CDK17: variants seen among roughly 807,000 people sequenced by gnomAD.
The protein encoded by CDK17 is cyclin-dependent kinase 17.
A neutral mutation model predicts 77.6 loss-of-function variants in CDK17; 24 were observed. The observed-to-expected ratio is 0.31, with a 90% confidence interval of 0.22 to 0.44. CDK17 has a LOEUF of 0.44. Among genes scored for constraint, CDK17 ranks in the 20% least tolerant of loss-of-function variants. The pLI is 1.00. For missense variants in CDK17, 429 were observed against 622.5 expected (o/e 0.69, Z 3.31); for synonymous variants, 203 against 210.4 (o/e 0.96, Z 0.30).
intron 1 of CDK17, among the ~76,000 whole-genome samples, chr12:96,367,583 G>A (rs1463360960): frequency 1.3e-5 from 2 of 152,202 alleles, no homozygotes; most frequent in South Asian, 2.1e-4. Context: ...AACTTAAGAA[G>A]TGAGAACTGC....
chr12:96,355,844 G>GA (rs1429424460), intron 1 of CDK17, among the ~76,000 whole-genome samples: 1 of 152,144 alleles, frequency 6.6e-6, no homozygotes, highest in East Asian at 1.9e-4. Flanking sequence ...AATACCTACA[G>GA]AATGAAGGAA....
At chr12:96,397,276 T>C (rs2137255913) in intron 1 of CDK17, among the ~76,000 whole-genome samples, 1 of 151,962 alleles carries the variant, frequency 6.6e-6, no homozygotes, top group African/African-American at 2.4e-5. Context: ...ACCGGGCAAA[T>C]AAAATTTAAA....
At chr12:96,299,442 G>C (rs548220060) in intron 6 of CDK17, among the ~76,000 whole-genome samples, 1 of 146,532 alleles carries the variant, frequency 6.8e-6, no homozygotes, top group African/African-American at 2.5e-5. Context: ...CCAGGCTAGA[G>C]TGCAGTGGCA....
chr12:96,323,859 G>A (rs879873676), intron 3 of CDK17, 89 bp downstream of exon 3: 30 of 887,314 alleles, frequency 3.4e-5, no homozygotes, highest in Non-Finnish European at 4.7e-5. Flanking sequence ...CAGAAGAAAC[G>A]AGATAATAAA....
At chr12:96,347,394 T>C (rs2137164708) in intron 1 of CDK17, among the ~76,000 whole-genome samples, 1 of 151,564 alleles carries the variant, frequency 6.6e-6, no homozygotes, top group African/African-American at 2.4e-5. Flanking sequence ...TGAGAACTCG[T>C]CTTTACTAAA....
chr12:96,289,751 A>G (rs564386845), intron 10 of CDK17, among the ~76,000 whole-genome samples: 29 of 152,228 alleles, frequency 1.9e-4, no homozygotes, highest in Non-Finnish European at 3.4e-4. Flanking sequence ...CAAAAACTGT[A>G]AAGTTATTGG....
chr12:96,368,823 G>T lies in CDK17; in HGVS notation c.-30+31163C>A, dbSNP rs796700234. On this transcript the variant is annotated intron_variant, in intron 1 of 16. Coordinates refer to ENST00000261211, the MANE Select transcript of CDK17 (RefSeq NM_002595.5). ...CTCTAAGACGGGGGGGGGGGGGGGG[G>T]GCACAATGAATAAGGCTGGAAAGGA... is the stretch of plus-strand genomic sequence containing the variant. 3.8e-5 allele frequency among the ~76,000 whole-genome samples: 3 copies of T among 79,824 alleles called. 1 individual carries two copies. Among genetic ancestry groups the T allele is most frequent in the East Asian group, 2.8e-3 (2 of 726 alleles). 52.4% of individuals were successfully genotyped at this position (79,824 alleles called of 152,430 possible).
chr12:96,389,108 A>G (rs1954022772), intron 1 of CDK17, among the ~76,000 whole-genome samples: 1 of 151,180 alleles, frequency 6.6e-6, no homozygotes, highest in South Asian at 2.1e-4. Context: ...AACTACAGGC[A>G]TGTGCCATCT....
In CDK17 at chr12:96,280,722, A is replaced by G. The variant is rs781454986; in HGVS notation, c.1534+86T>C. On this transcript the variant is annotated intron_variant, in intron 16 of 16. Coordinates refer to ENST00000261211, the MANE Select transcript of CDK17 (RefSeq NM_002595.5). ...CTGTACATTGGTTTTTACATCAATA[A>G]TTTTACTGATCAATTTATAAACCAA... 9.6e-6 allele frequency: 15 copies of G among 1,562,454 alleles called. No homozygotes were observed. The South Asian group carries it at 1.8e-4, about 19-fold the overall frequency.
Position 96,311,054 on chromosome 12 carries a change from A to AG in CDK17, c.540dup (p.Ser182IlefsTer27). The AG allele has an allele frequency of 6.3e-7, 1 of 1,596,420 alleles. No individual in the cohort carries two copies. Among genetic ancestry groups the AG allele is most frequent in the Non-Finnish European group, 8.5e-7 (1 of 1,174,892 alleles). ...GGTATAGGAGACCAAAAACTTACTAAGGAAGCTCTACGAGACCTTCGACTC... is the reference window on the plus strand; with the variant it reads ...GGTATAGGAGACCAAAAACTTACTAAGGGAAGCTCTACGAGACCTTCGACTC... On this transcript the variant is annotated frameshift_variant, in exon 5 of 17. Coordinates refer to ENST00000261211, the MANE Select transcript of CDK17 (RefSeq NM_002595.5). LOFTEE classifies it high-confidence loss of function.
chr12:96,323,275 A>AAC (rs1555202187), intron 3 of CDK17, among the ~76,000 whole-genome samples: 11 of 121,520 alleles, frequency 9.1e-5, no homozygotes, highest in East Asian at 1.2e-3. Context: ...TTCTAAAAAA[A>AAC]AAAAAAAAAC....
chr12:96,309,356 G>A (rs1952617973), intron 5 of CDK17, among the ~76,000 whole-genome samples: 1 of 152,206 alleles, frequency 6.6e-6, no homozygotes, highest in African/African-American at 2.4e-5. Flanking sequence ...GTAAGCTTGT[G>A]ATTTGCCAAG....
In CDK17 at chr12:96,278,814, A is replaced by G. The variant is rs1306498696; in HGVS notation, c.*1428T>C. 6.6e-6 allele frequency: 1 copy of G among 152,560 alleles called. No homozygotes were observed. The highest frequency in any genetic ancestry group is 1.5e-5 in the Non-Finnish European group (1 of 67,980). The allele number at this position is 152,560 out of a possible 1,614,324, so 9.5% of individuals were successfully genotyped here. A position where few individuals can be genotyped will look rare whatever the true frequency, so the allele number is the denominator to read the frequency against. ...TTTTAGTATCGTGAAATATTAAAAT[A>G]ACACCCCAAACATGCCACAATCACT... On this transcript the variant is annotated 3_prime_UTR_variant, in exon 17 of 17. Transcript: ENST00000261211.
At chr12:96,390,186 C>T in intron 1 of CDK17, among the ~76,000 whole-genome samples, 1 of 140,220 alleles carries the variant, frequency 7.1e-6, no homozygotes. Flanking sequence ...GAGTCTTGCT[C>T]TGTCGCCCAG....
chr12:96,280,324 T>G (rs1452069080), intron 16 of CDK17, 45 bp from the exon 17 acceptor site: 4 of 1,546,370 alleles, frequency 2.6e-6, no homozygotes, highest in Non-Finnish European at 3.5e-6. Context: ...GGTTCAGTTT[T>G]ATCCCACATA....
chr12:96,377,295 T>C (rs1953794409), intron 1 of CDK17, among the ~76,000 whole-genome samples: 1 of 152,148 alleles, frequency 6.6e-6, no homozygotes. Context: ...AAAAAATTAC[T>C]TCACCATATA....
intron 1 of CDK17, among the ~76,000 whole-genome samples, chr12:96,364,570 TG>T (rs1953553075): frequency 6.6e-6 from 1 of 152,184 alleles, no homozygotes; most frequent in African/African-American, 2.4e-5. Flanking sequence ...ATCATTTGGC[TG>T]TGTTCTGTTT....
At chr12:96,307,584 G>T (rs933842054) in intron 5 of CDK17, among the ~76,000 whole-genome samples, 37 of 151,950 alleles carry the variant, frequency 2.4e-4, no homozygotes, top group South Asian at 4.1e-4. Flanking sequence ...CAATAAAAAT[G>T]TCTTGGCCAG....
chr12:96,381,433 C>A (rs1953878629), intron 1 of CDK17, among the ~76,000 whole-genome samples: 1 of 150,862 alleles, frequency 6.6e-6, no homozygotes, highest in Non-Finnish European at 1.5e-5. Context: ...AAGTCTATTT[C>A]AATTACGGAG....
Sources: allele counts gnomAD v4.1 joint callset (sites outside exome capture counted in the v4.1 genomes callset), GRCh38; gene constraint gnomAD v4.1.1; transcripts MANE v1.5; gene names NCBI Gene and HGNC (gene_info 2026-07-23, HGNC 2026-07-21).